Variants in STAM observed in about 807,000 individuals in gnomAD.
The protein encoded by STAM is signal transducing adapter molecule 1.
Under a neutral mutation model 63.4 loss-of-function variants are expected in STAM, and 16 were observed. That is an observed-to-expected ratio of 0.25 (90% confidence interval 0.17 to 0.38). STAM has a LOEUF of 0.38. STAM is among the 10% of genes least tolerant of loss of function. STAM has a pLI of 1.00. For synonymous variants in STAM, 238 were observed against 223.9 expected (o/e 1.06, Z -0.56); for missense variants, 636 against 657.1 (o/e 0.97, Z 0.35).
intron 2 of STAM, among the ~76,000 whole-genome samples, chr10:17,674,917 A>G (rs901183326): frequency 6.6e-6 from 1 of 152,200 alleles, no homozygotes; most frequent in South Asian, 2.1e-4. Flanking sequence ...CACTTTTGAT[A>G]CTTGAGACAC....
At chr10:17,670,840 A>G (rs191187319) in intron 2 of STAM, among the ~76,000 whole-genome samples, 59 of 146,270 alleles carry the variant, frequency 4.0e-4, no homozygotes, top group African/African-American at 1.4e-3. Flanking sequence ...TTTGTACTCT[A>G]TATTTTGCTC....
intron 1 of STAM, among the ~76,000 whole-genome samples, chr10:17,653,173 C>T (rs961108962): frequency 5.3e-5 from 8 of 152,154 alleles, no homozygotes; most frequent in African/African-American, 1.4e-4. Flanking sequence ...TTAAGTTCCA[C>T]TGTGTGGTCC....
Position 17,705,031 on chromosome 10 carries a change from G to C in STAM, c.1055+7G>C. On this transcript the variant is annotated splice_region_variant and intron_variant, in intron 11 of 13. Transcript: ENST00000377524. Reference sequence around the variant, plus strand: ...AGCTGGAAGATATTGATAGGTAAAAGAACATGGGTGCATTTATGTTGTGTA... The same window carrying C: ...AGCTGGAAGATATTGATAGGTAAAACAACATGGGTGCATTTATGTTGTGTA... The C allele has an allele frequency of 1.9e-6, 3 of 1,612,022 alleles. No homozygotes were observed. The highest frequency in any genetic ancestry group is 1.1e-5 in the South Asian group (1 of 90,828).
rs771872475 is a variant in STAM at position 17,660,643 on chromosome 10, C to G, written c.125+95C>G. 8.2e-6 allele frequency: 7 copies of G among 852,032 alleles called. No individual in the cohort carries two copies. In the South Asian group the frequency reaches 1.4e-4, roughly 17 times the overall value. The allele number at this position is 852,032 out of a possible 1,614,324, so 52.8% of individuals were successfully genotyped here. The stretch of plus-strand genomic sequence containing the variant: ...GCTTGCACCTGTAGGCCCAGCCCCT[C>G]GGTAGGATGAGGTGGGAGGATCGCT... On this transcript the variant is annotated intron_variant, in intron 2 of 13. Coordinates refer to ENST00000377524, the MANE Select transcript of STAM (RefSeq NM_003473.4).
At chr10:17,664,217 A>G (rs1834287438) in intron 2 of STAM, among the ~76,000 whole-genome samples, 1 of 152,084 alleles carries the variant, frequency 6.6e-6, no homozygotes, top group Middle Eastern at 3.2e-3. Flanking sequence ...CTTTCAGGTG[A>G]GCACTAAACT....
chr10:17,675,252 C>G (rs941467882), intron 2 of STAM, among the ~76,000 whole-genome samples: 3 of 152,114 alleles, frequency 2.0e-5, no homozygotes, highest in Admixed American at 6.5e-5. Context: ...GCCTGTAATT[C>G]CAGCCCTTTG....
chr10:17,650,870 C>G (rs781917344), intron 1 of STAM, among the ~76,000 whole-genome samples: 3 of 152,002 alleles, frequency 2.0e-5, no homozygotes, highest in Non-Finnish European at 4.4e-5. Flanking sequence ...TCGAGACCAT[C>G]CTGGCTAACA....
intron 13 of STAM, among the ~76,000 whole-genome samples, chr10:17,712,339 C>T (rs910820496): frequency 2.8e-4 from 43 of 152,114 alleles, no homozygotes; most frequent in Admixed American, 2.4e-3. Flanking sequence ...CTCTATATTA[C>T]GGCAATATTA....
intron 2 of STAM, among the ~76,000 whole-genome samples, chr10:17,662,022 C>T (rs1195236345): frequency 6.6e-6 from 1 of 152,078 alleles, no homozygotes; most frequent in African/African-American, 2.4e-5. Context: ...TTTTATTTGT[C>T]CTACTTTACT....
intron 1 of STAM, among the ~76,000 whole-genome samples, chr10:17,649,977 A>G (rs1197474406): frequency 6.6e-6 from 1 of 152,166 alleles, no homozygotes; most frequent in Non-Finnish European, 1.5e-5. Flanking sequence ...TCTTTGAATC[A>G]TTTCCCTGCC....
At chr10:17,708,512 A>G (rs948138414) in intron 12 of STAM, among the ~76,000 whole-genome samples, 3 of 152,264 alleles carry the variant, frequency 2.0e-5, no homozygotes, top group Non-Finnish European at 4.4e-5. Context: ...GGAGATTAGT[A>G]TAAAGTTTCA....
At chr10:17,713,905 GC>G (rs1186032066) in intron 13 of STAM, among the ~76,000 whole-genome samples, 1 of 151,894 alleles carries the variant, frequency 6.6e-6, no homozygotes, top group Non-Finnish European at 1.5e-5. Flanking sequence ...GTGTTCTCCA[GC>G]CCCCTCCCCA....
Position 17,644,272 on chromosome 10 carries a change from C to T in STAM, c.-68C>T. On this transcript the variant is annotated 5_prime_UTR_variant, in exon 1 of 14. Transcript: ENST00000377524. The stretch of plus-strand genomic sequence containing the variant: ...CTTTTTGCCTGAGGAGTCTTCCATC[C>T]TACGTCGAGCTCTGACTCCCGTGCT... The T allele has an allele frequency of 6.4e-7, 1 of 1,570,988 alleles. No homozygotes were observed. The highest frequency in any genetic ancestry group is 2.2e-5 in the East Asian group (1 of 44,642).
chr10:17,710,987 G>A (rs1352439067), intron 13 of STAM, among the ~76,000 whole-genome samples: 1 of 152,190 alleles, frequency 6.6e-6, no homozygotes, highest in Non-Finnish European at 1.5e-5. Flanking sequence ...ATTGCTGGTA[G>A]AGCAAATGTA....
intron 2 of STAM, among the ~76,000 whole-genome samples, chr10:17,678,260 A>AT (rs34286916): frequency 3.3e-5 from 5 of 150,100 alleles, no homozygotes; most frequent in Admixed American, 6.7e-5. Context: ...ATGTGGTGTA[A>AT]TTTTTTTTTT....
intron 11 of STAM, 70 bp downstream of exon 11, chr10:17,705,094 G>A (rs975468728): frequency 1.5e-6 from 2 of 1,333,740 alleles, no homozygotes; most frequent in Admixed American, 1.9e-5. Flanking sequence ...TGCAAAGTGG[G>A]CTATAACTGC....
intron 1 of STAM, among the ~76,000 whole-genome samples, chr10:17,660,149 A>G (rs1403537460): frequency 6.6e-6 from 1 of 152,206 alleles, no homozygotes; most frequent in Non-Finnish European, 1.5e-5. Flanking sequence ...GCTAATGAAA[A>G]TAGTATTTCT....
intron 5 of STAM, among the ~76,000 whole-genome samples, chr10:17,690,587 C>T (rs1245373221): frequency 6.6e-6 from 1 of 152,146 alleles, no homozygotes; most frequent in Non-Finnish European, 1.5e-5. Context: ...AGTTCAACTG[C>T]AGAACTCCCT....
At chr10:17,661,629 T>C (rs11254710) in intron 2 of STAM, among the ~76,000 whole-genome samples, 17,540 of 152,210 alleles carry the variant, frequency 0.12, 1,101 homozygotes, top group Middle Eastern at 0.16. Context: ...ACCTACTTTC[T>C]TTCAGTTTTT....
Sources: allele counts gnomAD v4.1 joint callset (sites outside exome capture counted in the v4.1 genomes callset), GRCh38; gene constraint gnomAD v4.1.1; transcripts MANE v1.5; gene names NCBI Gene and HGNC (gene_info 2026-07-23, HGNC 2026-07-21).